Variants in NAALADL2 observed in about 807,000 individuals in gnomAD.
NAALADL2 encodes the protein inactive N-acetylated-alpha-linked acidic dipeptidase-like protein 2.
Under a neutral mutation model 87.2 loss-of-function variants are expected in NAALADL2, and 76 were observed. The ratio of observed to expected loss-of-function variants is 0.87; its 90% CI spans 0.72 to 1.05. NAALADL2 has a LOEUF of 1.05. NAALADL2 is among the 50% of genes least tolerant of loss of function. NAALADL2 has a pLI of 0.00. For missense variants in NAALADL2, 1,089 were observed against 945.8 expected (o/e 1.15, Z -1.99); for synonymous variants, 354 against 331.0 (o/e 1.07, Z -0.75).
At chr3:175,579,186 C>T (rs1271609185) in intron 10 of NAALADL2, among the ~76,000 whole-genome samples, 1 of 137,860 alleles carries the variant, frequency 7.3e-6, no homozygotes, top group Non-Finnish European at 1.6e-5. Flanking sequence ...TAATGCAAAT[C>T]TTAGAATTAC....
intron 1 of NAALADL2, among the ~76,000 whole-genome samples, chr3:175,038,477 C>A (rs776894637): frequency 6.6e-6 from 1 of 152,122 alleles, no homozygotes; most frequent in Non-Finnish European, 1.5e-5. Context: ...AGACCTTTGA[C>A]AAGGTAAAAT....
intron 5 of NAALADL2, among the ~76,000 whole-genome samples, chr3:175,388,455 C>T (rs1768679620): frequency 6.6e-6 from 1 of 151,974 alleles, no homozygotes; most frequent in South Asian, 2.1e-4. Flanking sequence ...CCATAAAATA[C>T]AAAAATCGAT....
intron 2 of NAALADL2, among the ~76,000 whole-genome samples, chr3:175,137,629 A>T (rs1227455964): frequency 6.8e-6 from 1 of 148,040 alleles, no homozygotes. Flanking sequence ...TTTTTGAGAC[A>T]GAGTCTCCCT....
intron 6 of NAALADL2, among the ~76,000 whole-genome samples, chr3:175,456,598 A>AAAG (rs1279284337): frequency 6.6e-6 from 1 of 152,086 alleles, no homozygotes. Flanking sequence ...TGCAATAGTA[A>AAAG]AAGTATTTTT....
chr3:175,555,055 T>G (rs1446545133), intron 9 of NAALADL2, among the ~76,000 whole-genome samples: 4 of 152,212 alleles, frequency 2.6e-5, no homozygotes, highest in African/African-American at 7.2e-5. Context: ...GATAGAAGAT[T>G]GCAAGTACTT....
chr3:174,672,788 C>G (rs1170563734), intron 2 of NAALADL2, among the ~76,000 whole-genome samples: 3 of 151,784 alleles, frequency 2.0e-5, no homozygotes, highest in Non-Finnish European at 2.9e-5. Context: ...GTGAGAGAAG[C>G]CTAGTATGTT....
intron 1 of NAALADL2, among the ~76,000 whole-genome samples, chr3:174,480,948 G>T (rs113127019): frequency 3.3e-5 from 5 of 152,204 alleles, no homozygotes; most frequent in African/African-American, 1.2e-4. Flanking sequence ...GAGATGGGCA[G>T]ATAGGAGAGT....
intron 1 of NAALADL2, among the ~76,000 whole-genome samples, chr3:175,012,658 A>G (rs1204780810): frequency 6.6e-6 from 1 of 152,100 alleles, no homozygotes; most frequent in East Asian, 1.9e-4. Flanking sequence ...TTTTGTAAGT[A>G]AAGTGCACAG....
chr3:174,784,671 T>C (rs569921843), intron 3 of NAALADL2, among the ~76,000 whole-genome samples: 134 of 152,302 alleles, frequency 8.8e-4, no homozygotes, highest in African/African-American at 3.1e-3. Context: ...GGTCTAATAG[T>C]AGAGAATCAC....
intron 4 of NAALADL2, among the ~76,000 whole-genome samples, chr3:175,316,562 C>T (rs1037448783): frequency 3.9e-5 from 6 of 152,130 alleles, no homozygotes; most frequent in Admixed American, 1.3e-4. Flanking sequence ...ATGTAGTCAT[C>T]GTTCTATATC....
chr3:174,609,542 C>T (rs1336372400), intron 2 of NAALADL2, among the ~76,000 whole-genome samples: 1 of 152,062 alleles, frequency 6.6e-6, no homozygotes, highest in Non-Finnish European at 1.5e-5. Context: ...AGAGCCAAAT[C>T]GTGAGTGAAC....
intron 2 of NAALADL2, among the ~76,000 whole-genome samples, chr3:175,150,504 T>A (rs1731392307): frequency 6.6e-6 from 1 of 152,204 alleles, no homozygotes; most frequent in Admixed American, 6.6e-5. Flanking sequence ...CAATATCTTA[T>A]ATGGTGAGTG....
intron 2 of NAALADL2, among the ~76,000 whole-genome samples, chr3:174,594,047 G>T (rs1204982519): frequency 2.0e-5 from 3 of 152,088 alleles, no homozygotes; most frequent in African/African-American, 7.2e-5. Context: ...AAATTCAATG[G>T]TTCACTTGTT....
At chr3:174,795,053 A>G (rs2109220812) in intron 3 of NAALADL2, among the ~76,000 whole-genome samples, 1 of 126,658 alleles carries the variant, frequency 7.9e-6, no homozygotes, top group Non-Finnish European at 1.6e-5. Context: ...GTGCAATGGC[A>G]TGATCTCGGC....
intron 11 of NAALADL2, among the ~76,000 whole-genome samples, chr3:175,668,921 TCTCA>T (rs752038630): frequency 1.4e-4 from 21 of 152,138 alleles, no homozygotes; most frequent in Non-Finnish European, 2.5e-4. Flanking sequence ...TTTATTAAGC[TCTCA>T]CTATGTGCAA....
At chr3:175,360,469 C>T (rs1395827992) in intron 5 of NAALADL2, among the ~76,000 whole-genome samples, 3 of 151,964 alleles carry the variant, frequency 2.0e-5, no homozygotes, top group Admixed American at 6.6e-5. Context: ...TGCTTCTTTT[C>T]CTAAATCCTA....
At chr3:175,509,324 C>T (rs1252996198) in intron 9 of NAALADL2, among the ~76,000 whole-genome samples, 3 of 152,162 alleles carry the variant, frequency 2.0e-5, no homozygotes, top group Non-Finnish European at 4.4e-5. Context: ...ATCAGACTTG[C>T]ATGAGTAGCT....
chr3:175,062,178 G>T (rs1017842805), intron 1 of NAALADL2, among the ~76,000 whole-genome samples: 2 of 152,118 alleles, frequency 1.3e-5, no homozygotes. Flanking sequence ...TACTATTTGG[G>T]TGAGGTAATA....
Position 175,798,095 on chromosome 3 carries a change from CA to C in NAALADL2, c.2190-4902del, listed in dbSNP as rs555011367. Among the ~76,000 whole-genome samples the C allele has an allele frequency of 4.0e-5, 6 of 151,280 alleles. No homozygotes were observed. In the East Asian group the frequency reaches 9.7e-4, roughly 24 times the overall value. On this transcript the variant is annotated intron_variant, in intron 13 of 13. Coordinates refer to ENST00000454872, the MANE Select transcript of NAALADL2 (RefSeq NM_207015.3). ...AGGAAGCTAAGTGGTTTTCAGCACA[CA>C]AAAAAAACTGCAAAAGATGAGCTAA...
Sources: gnomAD v4.1 joint callset for allele counts (sites outside exome capture counted in the v4.1 genomes callset) on GRCh38, gnomAD v4.1.1 for gene constraint, MANE v1.5 for transcripts, NCBI Gene and HGNC (gene_info 2026-07-23, HGNC 2026-07-21) for gene names.